RYR2: variants seen among roughly 807,000 people sequenced by gnomAD.
RYR2 encodes ryanodine receptor 2.
RYR2 carries 227 observed loss-of-function variants against 601.1 expected under a neutral mutation model. That is an observed-to-expected ratio of 0.38 (90% CI 0.34 to 0.42). The LOEUF is 0.42. Among genes scored for constraint, RYR2 ranks in the 10% least tolerant of loss-of-function variants. RYR2 has a pLI of 1.00. For synonymous variants in RYR2, 2,223 were observed against 2,175.1 expected (o/e 1.02, Z -0.61); for missense variants, 4,646 against 6,156.5 (o/e 0.75, Z 8.21).
intron 25 of RYR2, among the ~76,000 whole-genome samples, chr1:237,538,547 G>A (rs942600893): frequency 4.7e-5 from 7 of 150,434 alleles, no homozygotes; most frequent in Non-Finnish European, 7.4e-5. Flanking sequence ...CAACGCAGGC[G>A]GATCACTTGA....
chr1:237,360,081 G>A (rs1558682534), intron 4 of RYR2, among the ~76,000 whole-genome samples: 1 of 152,184 alleles, frequency 6.6e-6, no homozygotes, highest in Admixed American at 6.5e-5. Flanking sequence ...TCTACCTGGA[G>A]AGTTGTTTAA....
At chr1:237,416,514 C>T (rs1705000245) in intron 10 of RYR2, among the ~76,000 whole-genome samples, 1 of 151,976 alleles carries the variant, frequency 6.6e-6, no homozygotes, top group African/African-American at 2.4e-5. Flanking sequence ...TTTGGATATT[C>T]ATATTTTGAT....
At chr1:237,402,093 A>C (rs1703394380) in intron 10 of RYR2, among the ~76,000 whole-genome samples, 1 of 152,150 alleles carries the variant, frequency 6.6e-6, no homozygotes, top group African/African-American at 2.4e-5. Context: ...AATGGAGTTT[A>C]ATTAAAAATA....
intron 19 of RYR2, among the ~76,000 whole-genome samples, chr1:237,494,766 A>T (rs556383602): frequency 5.1e-4 from 78 of 152,220 alleles, no homozygotes; most frequent in African/African-American, 1.7e-3. Flanking sequence ...TTAAACAGAA[A>T]TGTGGGGTTT....
chr1:237,798,263 C>A, intron 97 of RYR2, 93 bp downstream of exon 97: 1 of 1,185,942 alleles, frequency 8.4e-7, no homozygotes, highest in Non-Finnish European at 1.2e-6. Context: ...TCCTTTCCTT[C>A]AATGTCAGAA....
chr1:237,704,535 A>G (rs922227750), intron 66 of RYR2, among the ~76,000 whole-genome samples: 1 of 152,046 alleles, frequency 6.6e-6, no homozygotes, highest in African/African-American at 2.4e-5. Flanking sequence ...AAATATTTTA[A>G]TATCTGGTTT....
chr1:237,752,167 G>A (rs567944583), intron 80 of RYR2, among the ~76,000 whole-genome samples: 1 of 152,260 alleles, frequency 6.6e-6, no homozygotes, highest in South Asian at 2.1e-4. Flanking sequence ...TCTCTTCATG[G>A]ATCTTCTAGG....
Position 237,614,960 on chromosome 1 carries a change from G to A in RYR2, c.5715+117G>A, listed in dbSNP as rs1228286506. The A allele has an allele frequency of 5.8e-6, 6 of 1,043,244 alleles. No individual in the cohort carries two copies. The highest frequency in any genetic ancestry group is 8.1e-6 in the Non-Finnish European group (6 of 740,028). 64.6% of individuals were successfully genotyped at this position (1,043,244 alleles called of 1,614,324 possible). A position where few individuals can be genotyped will look rare whatever the true frequency, so the allele number is the denominator to read the frequency against. Reference sequence around the variant, plus strand: ...TATTTCTTTGCATTCCTGTGTAATGGTAGTTCTTCATAAAATTAACTAACT... The same window carrying A: ...TATTTCTTTGCATTCCTGTGTAATGATAGTTCTTCATAAAATTAACTAACT... On this transcript the variant is annotated intron_variant, in intron 37 of 104. Coordinates refer to ENST00000366574, the MANE Select transcript of RYR2 (RefSeq NM_001035.3). This position sits in a 1 kb window ranked among gnomAD's most constrained non-coding sequence, Gnocchi z 4.3.
intron 100 of RYR2, among the ~76,000 whole-genome samples, chr1:237,816,620 C>T (rs945634737): frequency 2.7e-5 from 4 of 150,772 alleles, no homozygotes; most frequent in South Asian, 2.1e-4. Context: ...ACCCAGGAGG[C>T]GGAGGTTGCA....
chr1:237,470,959 T>G (rs1660656074), intron 17 of RYR2, among the ~76,000 whole-genome samples: 1 of 152,124 alleles, frequency 6.6e-6, no homozygotes, highest in Non-Finnish European at 1.5e-5. Context: ...AAATCTGGCC[T>G]GCACCAGAGT....
chr1:237,769,330 G>T (rs1465465131), intron 84 of RYR2, among the ~76,000 whole-genome samples: 1 of 151,968 alleles, frequency 6.6e-6, no homozygotes, highest in African/African-American at 2.4e-5. Context: ...TCTCCCTTTC[G>T]TTTCCTATCC....
chr1:237,325,974 T>C (rs1423672860), intron 2 of RYR2, among the ~76,000 whole-genome samples: 1 of 152,178 alleles, frequency 6.6e-6, no homozygotes, highest in African/African-American at 2.4e-5. Context: ...ATGCAGTTTT[T>C]ACACATAATA....
chr1:237,094,771 T>G (rs1667340659), intron 1 of RYR2, among the ~76,000 whole-genome samples: 1 of 152,246 alleles, frequency 6.6e-6, no homozygotes, highest in Middle Eastern at 3.4e-3. Flanking sequence ...TTTTGTATTT[T>G]CGGTAGAGAC....
chr1:237,573,042 G>A (rs945352824), intron 29 of RYR2, among the ~76,000 whole-genome samples: 23 of 151,984 alleles, frequency 1.5e-4, no homozygotes, highest in African/African-American at 5.3e-4. Context: ...ATTTATAAGT[G>A]GTCTATTTTA....
At chr1:237,793,827 A>T in intron 94 of RYR2, 40 bp from the exon 95 acceptor site, 1 of 1,498,446 alleles carries the variant, frequency 6.7e-7, no homozygotes, top group South Asian at 1.2e-5. Flanking sequence ...TATGCCAGTA[A>T]ATCTAAACTA....
chr1:237,781,609 G>A lies in RYR2; in HGVS notation c.11925G>A (p.Gln3975=). 6.3e-7 allele frequency: 1 copy of A among 1,595,184 alleles called. No individual in the cohort carries two copies. Among genetic ancestry groups the A allele is most frequent in the Non-Finnish European group, 8.6e-7 (1 of 1,167,366 alleles). ...IELLKELMDL[Q]KDMVVMLLSM... ...TATTAAAAGAATTAATGGATCTGCA[G>A]AAGGATATGGTGGTCATGTTGCTGT... is the stretch of plus-strand genomic sequence containing the variant. The change falls in exon 89 of 105, where the codon CAG becomes CAA. Residue 3975 remains glutamine, a synonymous_variant. Coordinates refer to ENST00000366574, the MANE Select transcript of RYR2 (RefSeq NM_001035.3).
chr1:237,615,315 T>C (rs948355715), intron 37 of RYR2, among the ~76,000 whole-genome samples: 2 of 152,136 alleles, frequency 1.3e-5, no homozygotes, highest in Non-Finnish European at 2.9e-5. Context: ...CCTCAGCTTC[T>C]ACAGCAGCTG....
intron 1 of RYR2, among the ~76,000 whole-genome samples, chr1:237,174,435 T>A (rs536427798): frequency 3.4e-4 from 52 of 152,214 alleles, no homozygotes; most frequent in Non-Finnish European, 6.8e-4. Flanking sequence ...AAGTAGGCAC[T>A]GTTTGAAATG....
rs182827678 is a variant in RYR2 at position 237,494,884 on chromosome 1, G to C, written c.1962-1627G>C. ...CAGCTCACTGCAATCTCTGCCTCCT[G>C]GGTTCAAGCCATTCTCCTGCCTCAG... On this transcript the variant is annotated intron_variant, in intron 19 of 104. Transcript: ENST00000366574. 2.6e-3 allele frequency among the ~76,000 whole-genome samples: 403 copies of C among 152,146 alleles called. 2 individuals carry two copies. Among genetic ancestry groups the C allele is most frequent in the African/African-American group, 9.2e-3 (382 of 41,530 alleles).
Sources: allele counts gnomAD v4.1 joint callset (sites outside exome capture counted in the v4.1 genomes callset), GRCh38; gene constraint gnomAD v4.1.1; non-coding constraint Gnocchi (gnomAD v3.1); transcripts MANE v1.5; gene names NCBI Gene and HGNC (gene_info 2026-07-23, HGNC 2026-07-21).